Variants in MYO1E observed in about 807,000 individuals in gnomAD.
The protein encoded by MYO1E is unconventional myosin-Ie.
MYO1E carries 68 observed loss-of-function variants against 151.1 expected under a neutral mutation model. That is an observed-to-expected ratio of 0.45 (90% CI 0.37 to 0.55). The LOEUF is 0.55. Ranked by LOEUF, MYO1E falls within the 20% of genes least tolerant of loss-of-function variation. MYO1E has a pLI of 0.00. For synonymous variants in MYO1E, 601 were observed against 501.7 expected (o/e 1.20, Z -2.64); for missense variants, 1,363 against 1,389.3 (o/e 0.98, Z 0.30).
chr15:59,364,290 T>A (rs558490925), intron 1 of MYO1E, among the ~76,000 whole-genome samples: 4 of 152,164 alleles, frequency 2.6e-5, no homozygotes, highest in Admixed American at 1.3e-4. Flanking sequence ...GTAGGTACCT[T>A]TGGGCTAGAA....
chr15:59,277,623 T>C (rs184423544), intron 1 of MYO1E, among the ~76,000 whole-genome samples: 31 of 151,572 alleles, frequency 2.0e-4, no homozygotes, highest in Admixed American at 2.0e-3. Context: ...TTTAGGAAAC[T>C]ACCTCAAGAT....
At chr15:59,274,938 G>A (rs12594481) in intron 1 of MYO1E, among the ~76,000 whole-genome samples, 58,646 of 151,998 alleles carry the variant, frequency 0.39, 11,752 homozygotes, top group East Asian at 0.57. Flanking sequence ...CCAGTCTGCT[G>A]TCTATATAAC....
At chr15:59,141,453 G>T (rs926803490) in intron 26 of MYO1E, among the ~76,000 whole-genome samples, 2 of 152,172 alleles carry the variant, frequency 1.3e-5, no homozygotes, top group Non-Finnish European at 2.9e-5. Flanking sequence ...TATGTAAATA[G>T]TTGTTATACT....
intron 16 of MYO1E, 70 bp downstream of exon 16, chr15:59,202,256 G>T: frequency 1.5e-6 from 2 of 1,349,742 alleles, no homozygotes; most frequent in Non-Finnish European, 2.1e-6. Context: ...TGGCCCAGGG[G>T]TGCAGTTCCT....
chr15:59,338,015 A>G (rs556559930), intron 1 of MYO1E, among the ~76,000 whole-genome samples: 1 of 152,198 alleles, frequency 6.6e-6, no homozygotes, highest in Non-Finnish European at 1.5e-5. Flanking sequence ...GAGAAATGTC[A>G]GCGAAGAGTG....
intron 1 of MYO1E, among the ~76,000 whole-genome samples, chr15:59,362,871 ATGT>A: frequency 6.6e-6 from 1 of 152,168 alleles, no homozygotes; most frequent in South Asian, 2.1e-4. Context: ...GTATTCTGTA[ATGT>A]ATTTAAGAAT....
chr15:59,146,347 TG>T (rs1405329680), intron 26 of MYO1E, among the ~76,000 whole-genome samples: 3 of 152,208 alleles, frequency 2.0e-5, no homozygotes, highest in African/African-American at 7.2e-5. Flanking sequence ...GACAGATCCT[TG>T]CTCTGTCACT....
intron 2 of MYO1E, chr15:59,264,792 G>T (rs1359837069): frequency 6.6e-6 from 1 of 152,244 alleles, no homozygotes; most frequent in East Asian, 1.9e-4. Context: ...AGAATAAGGT[G>T]GGTGGACCCC....
At chr15:59,336,060 A>T (rs371141105) in intron 1 of MYO1E, among the ~76,000 whole-genome samples, 2 of 152,006 alleles carry the variant, frequency 1.3e-5, no homozygotes, top group South Asian at 2.1e-4. Context: ...AAAAATCTTG[A>T]AACTTTTTCT....
intron 2 of MYO1E, among the ~76,000 whole-genome samples, chr15:59,261,791 A>G (rs2080225786): frequency 6.6e-6 from 1 of 152,240 alleles, no homozygotes; most frequent in Admixed American, 6.5e-5. Flanking sequence ...ACGTACAGCA[A>G]GGAGAAAAGA....
chr15:59,156,395 G>A (rs1287302284), intron 25 of MYO1E, among the ~76,000 whole-genome samples: 1 of 152,160 alleles, frequency 6.6e-6, no homozygotes, highest in African/African-American at 2.4e-5. Flanking sequence ...ATGTTGGCTA[G>A]GCTGGTCTCA....
chr15:59,136,802 G>A lies in MYO1E; in HGVS notation c.*578C>T, dbSNP rs752064495. The A allele has an allele frequency of 1.4e-4, 66 of 455,486 alleles. 1 individual carries two copies. The highest frequency in any genetic ancestry group is 6.8e-4 in the South Asian group (44 of 64,510). The allele number at this position is 455,486 out of a possible 1,614,324, so 28.2% of individuals were successfully genotyped here. On this transcript the variant is annotated 3_prime_UTR_variant, in exon 28 of 28. Transcript: ENST00000288235. ...CCTGCTTGGCGGCCCTGATGGTCCC[G>A]GCAAAGTGTAAACCAGTGCCCCTCT...
At chr15:59,295,282 C>T (rs2080442172) in intron 1 of MYO1E, among the ~76,000 whole-genome samples, 1 of 151,878 alleles carries the variant, frequency 6.6e-6, no homozygotes, top group African/African-American at 2.4e-5. Flanking sequence ...GAGAGGGAAA[C>T]AAGGAGAGTA....
chr15:59,191,579 A>G (rs1163439501), intron 17 of MYO1E, among the ~76,000 whole-genome samples: 1 of 152,118 alleles, frequency 6.6e-6, no homozygotes, highest in Non-Finnish European at 1.5e-5. Flanking sequence ...TGCATCACCC[A>G]TTAATTCAAG....
intron 1 of MYO1E, among the ~76,000 whole-genome samples, chr15:59,304,306 A>T (rs1196037818): frequency 6.6e-6 from 1 of 152,156 alleles, no homozygotes; most frequent in Non-Finnish European, 1.5e-5. Flanking sequence ...TATATGAGAA[A>T]GGTGAAGGTC....
At chr15:59,171,500 C>G (rs2079593962) in intron 22 of MYO1E, among the ~76,000 whole-genome samples, 1 of 152,212 alleles carries the variant, frequency 6.6e-6, no homozygotes, top group Admixed American at 6.5e-5. Context: ...TCAGGACCCT[C>G]TGCTCAGGGA....
chr15:59,148,808 T>G (rs2079457064), intron 26 of MYO1E, among the ~76,000 whole-genome samples: 1 of 152,190 alleles, frequency 6.6e-6, no homozygotes, highest in Non-Finnish European at 1.5e-5. Context: ...AAGACTTTTC[T>G]GTTTTTCCAA....
chr15:59,256,234 C>T (rs536618941), intron 4 of MYO1E, 50 bp downstream of exon 4: 2 of 1,412,620 alleles, frequency 1.4e-6, no homozygotes, highest in Non-Finnish European at 1.0e-6. Flanking sequence ...TCCATAACCA[C>T]AGCATAGTCT....
At position 59,178,498 on chromosome 15, in the gene MYO1E, C is replaced by T. The variant is rs1183376574; in HGVS notation, c.1944G>A (p.Gln648=). 1.2e-6 allele frequency: 2 copies of T among 1,614,214 alleles called. No homozygotes were observed. The highest frequency in any genetic ancestry group is 8.5e-7 in the Non-Finnish European group (1 of 1,180,034). Residue 648 remains glutamine (Q), a synonymous_variant, in exon 19 of 28, where the codon CAG becomes CAA. Coordinates refer to ENST00000288235, the MANE Select transcript of MYO1E (RefSeq NM_004998.4). ...GCAGGACGCCTTGCTTCTCCTCTCC[C>T]TGCCAAGAAGGCCAGGTGGCTTTGG... ...ILTKATWPSW[Q]GEEKQGVLHL... is the part of the protein sequence containing the mutation.
Sources: allele counts gnomAD v4.1 joint callset (sites outside exome capture counted in the v4.1 genomes callset), GRCh38; gene constraint gnomAD v4.1.1; transcripts MANE v1.5; gene names NCBI Gene and HGNC (gene_info 2026-07-23, HGNC 2026-07-21).